CDH12: variants seen among roughly 807,000 people sequenced by gnomAD.
The protein encoded by CDH12 is cadherin 12.
Under a neutral mutation model 74.1 loss-of-function variants are expected in CDH12, and 41 were observed. The ratio of observed to expected loss-of-function variants is 0.55; its 90% CI spans 0.43 to 0.72. The LOEUF (loss-of-function observed/expected upper bound fraction) is 0.72. Among genes scored for constraint, CDH12 ranks in the 30% least tolerant of loss-of-function variants. The pLI, the probability that CDH12 is intolerant of heterozygous loss-of-function variation, is 0.00. For missense variants in CDH12, 945 were observed against 977.2 expected, an observed-to-expected ratio of 0.97 and a Z score of 0.44; for synonymous variants, 399 against 355.0, an observed-to-expected ratio of 1.12 and a Z score of -1.39.
intron 5 of CDH12, among the ~76,000 whole-genome samples, chr5:21,978,579 T>C (rs895368692): frequency 7.9e-5 from 12 of 152,188 alleles, no homozygotes; most frequent in African/African-American, 2.4e-4. Context: ...ATACACACTA[T>C]ATAAATAAAT....
intron 4 of CDH12, among the ~76,000 whole-genome samples, chr5:22,104,836 G>A (rs761027585): frequency 1.3e-5 from 2 of 151,902 alleles, no homozygotes; most frequent in Non-Finnish European, 1.5e-5. Context: ...CATTTGCTAG[G>A]GCTGCCATAA....
chr5:22,262,839 G>A (rs1440213785), intron 3 of CDH12, among the ~76,000 whole-genome samples: 3 of 151,970 alleles, frequency 2.0e-5, no homozygotes, highest in African/African-American at 7.3e-5. Context: ...CTCATAGTGG[G>A]ATCTAATTAA....
At chr5:22,537,734 G>C (rs961923495) in intron 1 of CDH12, among the ~76,000 whole-genome samples, 3 of 152,286 alleles carry the variant, frequency 2.0e-5, no homozygotes, top group Admixed American at 2.0e-4. Flanking sequence ...CTCTTAGAGA[G>C]CGCTCCTGAC....
At chr5:22,158,331 G>A (rs894967010) in intron 4 of CDH12, among the ~76,000 whole-genome samples, 3 of 151,926 alleles carry the variant, frequency 2.0e-5, no homozygotes, top group Non-Finnish European at 2.9e-5. Context: ...TTACATGCAC[G>A]CTCCCCTCAT....
chr5:21,988,217 C>A (rs533261873), intron 5 of CDH12, among the ~76,000 whole-genome samples: 1 of 152,080 alleles, frequency 6.6e-6, no homozygotes, highest in Non-Finnish European at 1.5e-5. Context: ...GCCTGCCTGG[C>A]GTTGCGGCTC....
At chr5:22,472,597 A>G (rs1746007815) in intron 2 of CDH12, among the ~76,000 whole-genome samples, 1 of 152,142 alleles carries the variant, frequency 6.6e-6, no homozygotes, top group African/African-American at 2.4e-5. Context: ...ACTCAAAACC[A>G]GCATCTCTGG....
chr5:22,283,214 ATAGATATATATATATATAT>A (rs1736970982), intron 3 of CDH12, among the ~76,000 whole-genome samples: 1 of 88,246 alleles, frequency 1.1e-5, no homozygotes, highest in Non-Finnish European at 2.0e-5. Flanking sequence ...AGATATATAT[ATAGATATATATATATATAT>A]ATATATATAT....
At chr5:22,369,101 C>T (rs1741159297) in intron 3 of CDH12, among the ~76,000 whole-genome samples, 1 of 151,936 alleles carries the variant, frequency 6.6e-6, no homozygotes, top group African/African-American at 2.4e-5. Flanking sequence ...TGCACTCCAG[C>T]CTGGGCCACA....
chr5:21,777,495 G>A (rs1745655702), intron 11 of CDH12, among the ~76,000 whole-genome samples: 1 of 150,994 alleles, frequency 6.6e-6, no homozygotes, highest in Admixed American at 6.7e-5. Context: ...TCTATGCAAT[G>A]GAAATTACTT....
chr5:22,094,500 G>A (rs1390680260), intron 4 of CDH12, among the ~76,000 whole-genome samples: 5 of 152,186 alleles, frequency 3.3e-5, no homozygotes, highest in Admixed American at 2.6e-4. Flanking sequence ...GTACAAGGGA[G>A]AAGGTAAGGA....
intron 1 of CDH12, among the ~76,000 whole-genome samples, chr5:22,608,826 C>G (rs746624309): frequency 2.6e-5 from 4 of 152,086 alleles, no homozygotes; most frequent in Non-Finnish European, 4.4e-5. Flanking sequence ...TGAAGAGGTG[C>G]CTTCCACCAT....
At chr5:22,040,592 A>G (rs1028169853) in intron 5 of CDH12, among the ~76,000 whole-genome samples, 4 of 152,208 alleles carry the variant, frequency 2.6e-5, no homozygotes, top group Admixed American at 6.5e-5. Context: ...AGGAATTAAC[A>G]TTAGACTATT....
chr5:22,701,030 C>G (rs1303577807), intron 1 of CDH12, among the ~76,000 whole-genome samples: 1 of 152,144 alleles, frequency 6.6e-6, no homozygotes, highest in African/African-American at 2.4e-5. Context: ...AGCTCAGTCA[C>G]TGACCCACTT....
chr5:22,816,551 G>A (rs1190047909), intron 1 of CDH12, among the ~76,000 whole-genome samples: 1 of 152,156 alleles, frequency 6.6e-6, no homozygotes. Context: ...TTTCTTGGAT[G>A]ACTAAGCCAA....
intron 4 of CDH12, among the ~76,000 whole-genome samples, chr5:22,169,810 G>T (rs1216646451): frequency 6.6e-6 from 1 of 151,880 alleles, no homozygotes; most frequent in Non-Finnish European, 1.5e-5. Context: ...GAGAAAACCA[G>T]AGTTCTAAAA....
chr5:22,148,999 T>C (rs1461152228), intron 4 of CDH12, among the ~76,000 whole-genome samples: 1 of 152,094 alleles, frequency 6.6e-6, no homozygotes, highest in Non-Finnish European at 1.5e-5. Context: ...ACACCTGCAA[T>C]CCCAGCTACT....
At chr5:22,402,119 A>G (rs1742754579) in intron 3 of CDH12, among the ~76,000 whole-genome samples, 1 of 152,184 alleles carries the variant, frequency 6.6e-6, no homozygotes, top group African/African-American at 2.4e-5. Context: ...GTTACCAGGA[A>G]GTAAGGTGCT....
chr5:22,442,245 A>T (rs1744656634), intron 2 of CDH12, among the ~76,000 whole-genome samples: 2 of 152,194 alleles, frequency 1.3e-5, no homozygotes, highest in African/African-American at 4.8e-5. Context: ...ATGGCAGCAT[A>T]AAGAGGAAAC....
chr5:22,732,332 A>G (rs1744467210), intron 1 of CDH12, among the ~76,000 whole-genome samples: 1 of 151,740 alleles, frequency 6.6e-6, no homozygotes, highest in African/African-American at 2.4e-5. Flanking sequence ...TTCAAACTTA[A>G]TCACCATTTT....
Sources: gnomAD v4.1 joint callset for allele counts (sites outside exome capture counted in the v4.1 genomes callset) on GRCh38, gnomAD v4.1.1 for gene constraint, MANE v1.5 for transcripts, NCBI Gene and HGNC (gene_info 2026-07-23, HGNC 2026-07-21) for gene names.